Variants in GARNL3 observed in about 807,000 individuals in gnomAD.
The protein encoded by GARNL3 is GTPase-activating Rap/Ran-GAP domain-like protein 3.
Under a neutral mutation model 125.0 loss-of-function variants are expected in GARNL3, and 63 were observed. The observed-to-expected ratio is 0.50, with a 90% CI of 0.41 to 0.62. The LOEUF is 0.62. Ranked by LOEUF, GARNL3 falls within the 20% of genes least tolerant of loss-of-function variation. The pLI, the probability that GARNL3 is intolerant of heterozygous loss-of-function variation, is 0.00. For missense variants in GARNL3, 994 were observed against 1,244.0 expected (o/e 0.80, Z 3.02); for synonymous variants, 439 against 457.5 (o/e 0.96, Z 0.52).
intron 1 of GARNL3, among the ~76,000 whole-genome samples, chr9:127,287,833 G>A (rs1280262134): frequency 6.6e-6 from 1 of 152,188 alleles, no homozygotes; most frequent in Non-Finnish European, 1.5e-5. Flanking sequence ...CTTCACTTTG[G>A]CCTTTCCTTC....
chr9:127,239,257 T>C lies in GARNL3; in HGVS notation c.-28-3822T>C, dbSNP rs180724306. On this transcript the variant is annotated intron_variant, in intron 1 of 10. Coordinates refer to the GARNL3 transcript ENST00000439286. ...CTAAGTGGCTCCTAAGACATACTTA[T>C]CCCTCTCTTCTTCAGCCTGTCCTCA... Among the ~76,000 whole-genome samples, 223 of 152,300 alleles carry C rather than the reference T, an allele frequency of 1.5e-3. 1 individual carries two copies. The highest frequency in any genetic ancestry group is 6.0e-3 in the East Asian group (31 of 5,186).
intron 2 of GARNL3, among the ~76,000 whole-genome samples, chr9:127,245,153 G>C (rs939523919): frequency 1.3e-5 from 2 of 152,256 alleles, no homozygotes; most frequent in Admixed American, 6.5e-5. Context: ...AGGAGTTAAA[G>C]TACCCGCAGT....
At chr9:127,366,733 G>C (rs1260193451) in intron 22 of GARNL3, 1 of 152,234 alleles carries the variant, frequency 6.6e-6, no homozygotes, top group East Asian at 1.9e-4. Context: ...AGAGGGCATG[G>C]AAACAAATGT....
chr9:127,387,386 T>G, intron 25 of GARNL3, 55 bp downstream of exon 25: 12 of 1,485,754 alleles, frequency 8.1e-6, no homozygotes, highest in South Asian at 1.2e-5. Flanking sequence ...CTAATTTCTC[T>G]AGTTTGTTGT....
At chr9:127,336,378 A>G (rs572056026) in intron 11 of GARNL3, 142 bp downstream of exon 11, 459 of 586,296 alleles carry the variant, frequency 7.8e-4, no homozygotes, top group Non-Finnish European at 9.6e-4. Flanking sequence ...ATTTTTCCTA[A>G]GCATTGTGTA....
At chr9:127,278,116 TA>T (rs2064004695) in intron 1 of GARNL3, among the ~76,000 whole-genome samples, 1 of 152,222 alleles carries the variant, frequency 6.6e-6, no homozygotes, top group Non-Finnish European at 1.5e-5. Flanking sequence ...TACTTTTTAA[TA>T]TATTTTTCCG....
At chr9:127,268,074 C>T (rs781659460) in intron 1 of GARNL3, among the ~76,000 whole-genome samples, 3 of 152,170 alleles carry the variant, frequency 2.0e-5, no homozygotes, top group Non-Finnish European at 4.4e-5. Flanking sequence ...ATTCTTTCAA[C>T]ACATATTTAT....
At chr9:127,389,921 T>TTA (rs1832736651) in intron 26 of GARNL3, among the ~76,000 whole-genome samples, 2 of 78,686 alleles carry the variant, frequency 2.5e-5, no homozygotes, top group Non-Finnish European at 2.4e-5. Context: ...ACCCTGTCTT[T>TTA]AAAAAAAAAA....
At chr9:127,300,085 C>A in intron 2 of GARNL3, 1 of 316,014 alleles carries the variant, frequency 3.2e-6, no homozygotes. Context: ...GACAGATTTT[C>A]AAAATCACTT....
chr9:127,261,477 C>T (rs2063590583), upstream of GARNL3, among the ~76,000 whole-genome samples: 1 of 136,884 alleles, frequency 7.3e-6, no homozygotes, highest in Non-Finnish European at 1.5e-5. Context: ...ATGGCACAAT[C>T]TCAGCTTACC....
At chr9:127,375,477 A>G (rs991780934) in intron 22 of GARNL3, among the ~76,000 whole-genome samples, 4 of 151,942 alleles carry the variant, frequency 2.6e-5, no homozygotes, top group African/African-American at 9.7e-5. Flanking sequence ...GAAAAAAAAA[A>G]AAAAAAGAAA....
upstream of GARNL3, among the ~76,000 whole-genome samples, chr9:127,260,628 C>G (rs902189824): frequency 3.3e-5 from 5 of 152,220 alleles, no homozygotes; most frequent in East Asian, 7.7e-4. Flanking sequence ...AGCAATTCAA[C>G]TCTGCTGTTG....
intron 1 of GARNL3, among the ~76,000 whole-genome samples, chr9:127,278,084 G>A (rs2064003853): frequency 6.6e-6 from 1 of 152,034 alleles, no homozygotes; most frequent in Non-Finnish European, 1.5e-5. Context: ...ATTTTTGTGT[G>A]TATGTGCATG....
intron 1 of GARNL3, among the ~76,000 whole-genome samples, chr9:127,288,300 G>A (rs2064311468): frequency 6.6e-6 from 1 of 152,192 alleles, no homozygotes; most frequent in South Asian, 2.1e-4. Flanking sequence ...TTAGGGGAAG[G>A]TGAGAAAGGA....
rs759808702 is a variant in GARNL3 at position 127,325,056 on chromosome 9, C to CT, written c.568-10dup. On this transcript the variant is annotated splice_polypyrimidine_tract_variant and intron_variant, in intron 6 of 27. Coordinates refer to ENST00000373387, the MANE Select transcript of GARNL3 (RefSeq NM_032293.5). ...TTATGCCTGGATGTAACTTTTAAAA[C>CT]TTTATTTGACAGGACTTGCTGGTTC... is the stretch of plus-strand genomic sequence containing the variant. The CT allele has an allele frequency of 1.2e-6, 2 of 1,612,730 alleles. No homozygotes were observed. Among genetic ancestry groups the CT allele is most frequent in the South Asian group, 1.1e-5 (1 of 90,990 alleles).
chr9:127,359,382 C>T (rs1359592841), intron 21 of GARNL3, among the ~76,000 whole-genome samples: 1 of 152,140 alleles, frequency 6.6e-6, no homozygotes, highest in Non-Finnish European at 1.5e-5. Context: ...CCCAGCTACT[C>T]AGGAAGCTGA....
Position 127,384,050 on chromosome 9 carries a change from G to A in GARNL3, c.2269+505G>A, listed in dbSNP as rs1401268716. ...GATCCACAACTGGCCATTGCCTTTT[G>A]GAAGTCAGATCAGAGCCAAGAATGT... is the stretch of plus-strand genomic sequence containing the variant. On this transcript the variant is annotated intron_variant, in intron 23 of 27. Coordinates refer to ENST00000373387, the MANE Select transcript of GARNL3 (RefSeq NM_032293.5). This position sits in a 1 kb window ranked among gnomAD's most constrained non-coding sequence, Gnocchi z 4.0. 6.6e-6 allele frequency among the ~76,000 whole-genome samples: 1 copy of A among 152,194 alleles called. No individual in the cohort carries two copies. Among genetic ancestry groups the A allele is most frequent in the Non-Finnish European group, 1.5e-5 (1 of 68,036 alleles).
rs377332418 is a variant in GARNL3 at position 127,339,747 on chromosome 9, G to C, written c.1131G>C (p.Val377=). The C allele has an allele frequency of 5.6e-6, 9 of 1,603,408 alleles. No homozygotes were observed. The African/African-American group carries it at 8.0e-5, about 14-fold the overall frequency. ...AGGAATTCAGGGACTTTTTGCTAGTGAAATGTAAGTTTCTGTTTTGAAACA... is the reference window on the plus strand; with the variant it reads ...AGGAATTCAGGGACTTTTTGCTAGTCAAATGTAAGTTTCTGTTTTGAAACA... ...DHQEFRDFLL[V]KLINGEKATL... Residue 377 remains valine (V), a synonymous_variant, in exon 13 of 28, where the codon GTG becomes GTC. Transcript: ENST00000373387.
At chr9:127,315,836 T>C (rs1203560154) in intron 4 of GARNL3, among the ~76,000 whole-genome samples, 1 of 152,162 alleles carries the variant, frequency 6.6e-6, no homozygotes, top group Non-Finnish European at 1.5e-5. Context: ...AGAATCCAAC[T>C]ACTCAGAGAT....
Sources: gnomAD v4.1 joint callset for allele counts (sites outside exome capture counted in the v4.1 genomes callset) on GRCh38, gnomAD v4.1.1 for gene constraint, Gnocchi (gnomAD v3.1) non-coding constraint, MANE v1.5 for transcripts, NCBI Gene and HGNC (gene_info 2026-07-23, HGNC 2026-07-21) for gene names.